The following PIWIL3 variants were observed in gnomAD, a reference collection of about 807,000 sequenced individuals.
PIWIL3 encodes piwi like RNA-mediated gene silencing 3, also known as piwi-like protein 3.
A neutral mutation model predicts 109.7 loss-of-function variants in PIWIL3; 101 were observed. That is an observed-to-expected ratio of 0.92 (90% CI 0.78 to 1.09). The LOEUF (loss-of-function observed/expected upper bound fraction) is 1.09. Among genes scored for constraint, PIWIL3 ranks in the 50% least tolerant of loss-of-function variants. PIWIL3 has a pLI of 0.00. For missense variants in PIWIL3, 1,031 were observed against 1,072.6 expected (o/e 0.96, Z 0.54); for synonymous variants, 373 against 376.4 (o/e 0.99, Z 0.10).
intron 16 of PIWIL3, among the ~76,000 whole-genome samples, chr22:24,726,536 C>T (rs1361846411): frequency 1.3e-5 from 2 of 152,214 alleles, no homozygotes; most frequent in Non-Finnish European, 2.9e-5. Context: ...CTGCCCGCCT[C>T]AGCCTCCCAA....
intron 13 of PIWIL3, 99 bp from the exon 14 acceptor site, chr22:24,734,255 C>T: frequency 6.8e-7 from 1 of 1,464,626 alleles, no homozygotes; most frequent in Non-Finnish European, 9.1e-7. Flanking sequence ...TGATAAAATA[C>T]CAAGATATGC....
chr22:24,770,671 A>AC (rs1926081592), intron 1 of PIWIL3, among the ~76,000 whole-genome samples: 1 of 131,328 alleles, frequency 7.6e-6, no homozygotes, highest in Non-Finnish European at 1.7e-5. Context: ...AAAAAAAAAA[A>AC]AAAAAAAACA....
chr22:24,725,590 CA>C, intron 16 of PIWIL3, 75 bp from the exon 17 acceptor site: 2 of 1,395,424 alleles, frequency 1.4e-6, no homozygotes, highest in Non-Finnish European at 1.0e-6. Flanking sequence ...AATCTATGGG[CA>C]AAAAATATTA....
chr22:24,728,076 T>C (rs1399714984), intron 15 of PIWIL3, 23 bp from the exon 16 acceptor site: 1 of 1,611,410 alleles, frequency 6.2e-7, no homozygotes, highest in South Asian at 1.1e-5. Context: ...TTTGAAAAGG[T>C]AATGGAGTTA....
At chr22:24,745,383 G>C (rs1924292112) in intron 12 of PIWIL3, among the ~76,000 whole-genome samples, 1 of 152,084 alleles carries the variant, frequency 6.6e-6, no homozygotes. Context: ...GATCACTTGA[G>C]GTCAGGAGTT....
Position 24,735,961 on chromosome 22 carries a change from G to A in PIWIL3, c.1450-69C>T, listed in dbSNP as rs185484697. 1.5e-5 allele frequency: 19 copies of A among 1,275,590 alleles called. No homozygotes were observed. The African/African-American group carries it at 1.5e-4, about 10-fold the overall frequency. The allele number at this position is 1,275,590 out of a possible 1,614,324, so 79.0% of individuals were successfully genotyped here. A position where few individuals can be genotyped will look rare whatever the true frequency, so the allele number is the denominator to read the frequency against. The stretch of plus-strand genomic sequence containing the variant: ...GATCAACTTATCTGAGATCCTGTAC[G>A]CTGTAAATCCGTGCTATCTCCTATA... On this transcript the variant is annotated intron_variant, in intron 12 of 20. Transcript: ENST00000616349.
At chr22:24,763,355 C>T (rs955246650) in intron 1 of PIWIL3, among the ~76,000 whole-genome samples, 2 of 152,018 alleles carry the variant, frequency 1.3e-5, no homozygotes, top group Non-Finnish European at 2.9e-5. Flanking sequence ...GGTTGGAGTG[C>T]AGCGGGGAAA....
chr22:24,767,637 A>G (rs1925877540), intron 1 of PIWIL3, among the ~76,000 whole-genome samples: 1 of 152,130 alleles, frequency 6.6e-6, no homozygotes, highest in Non-Finnish European at 1.5e-5. Flanking sequence ...AAAAGGTGTA[A>G]CATGCATAAT....
chr22:24,765,314 G>A (rs1343916035), intron 1 of PIWIL3, among the ~76,000 whole-genome samples: 1 of 151,976 alleles, frequency 6.6e-6, no homozygotes, highest in Non-Finnish European at 1.5e-5. Context: ...CCCCATTTCA[G>A]GAATTTAAAA....
At chr22:24,749,303 T>C in intron 11 of PIWIL3, 101 bp downstream of exon 11, 1 of 1,516,484 alleles carries the variant, frequency 6.6e-7, no homozygotes. Flanking sequence ...CCATTGTCAC[T>C]TGCTTGTAGA....
chr22:24,758,081 G>A lies in PIWIL3; in HGVS notation c.224-42C>T, dbSNP rs1176656391. The A allele has an allele frequency of 5.1e-6, 8 of 1,577,994 alleles. No homozygotes were observed. In the South Asian group the frequency reaches 9.3e-5, roughly 18 times the overall value. On this transcript the variant is annotated intron_variant, in intron 3 of 20. Transcript: ENST00000616349. ...GCCAGAAGTTTAAACAATAAAAAGG[G>A]AAGAATAGAAAAGACAGCATTAACA... is the stretch of plus-strand genomic sequence containing the variant.
chr22:24,763,228 T>TCTGCCTC (rs1168403489), intron 1 of PIWIL3, among the ~76,000 whole-genome samples: 1 of 151,414 alleles, frequency 6.6e-6, no homozygotes, highest in Non-Finnish European at 1.5e-5. Flanking sequence ...CACTGCAACC[T>TCTGCCTC]CTGCCTCCCG....
At position 24,725,498 on chromosome 22, in the gene PIWIL3, A is replaced by C; in HGVS notation, c.2027T>G (p.Val676Gly). 1 of 1,614,128 alleles carries C rather than the reference A, an allele frequency of 6.2e-7. No individual in the cohort carries two copies. Among genetic ancestry groups the C allele is most frequent in the Non-Finnish European group, 8.5e-7 (1 of 1,180,046 alleles). The change falls in exon 17 of 21, where the codon GTC becomes GGC. Residue 676 changes from valine (V) to glycine (G), a missense_variant. Val to Gly is a moderately radical substitution (Grantham distance 109). Transcript: ENST00000616349. ...AELTKWYSQC[V>G]IQKTGEELVK... ...AAGCTCTTCTCCTGTTTTCTGGATG[A>C]CACATTGAGAGTACCACCTGTTCAC...
At chr22:24,736,103 G>A (rs963598380) in intron 12 of PIWIL3, among the ~76,000 whole-genome samples, 5 of 152,190 alleles carry the variant, frequency 3.3e-5, no homozygotes, top group Non-Finnish European at 7.3e-5. Context: ...AGAGGCCATT[G>A]CAGGGGAGAT....
rs144336699 is a variant in PIWIL3 at position 24,741,175 on chromosome 22, T to C, written c.1450-5283A>G. Among the ~76,000 whole-genome samples, 848 of 152,292 alleles carry C rather than the reference T, an allele frequency of 5.6e-3. 6 individuals are homozygous for C. The highest frequency in any genetic ancestry group is 1.0e-2 in the Non-Finnish European group (679 of 68,020). ...AACAAAAATCACATGGTTATCTCAA[T>C]AGATGCAGAAAAAGCATTTGATAAA... On this transcript the variant is annotated intron_variant, in intron 12 of 20. Coordinates refer to ENST00000616349, the MANE Select transcript of PIWIL3 (RefSeq NM_001255975.1).
chr22:24,771,238 G>A (rs937102514), intron 1 of PIWIL3, among the ~76,000 whole-genome samples: 10 of 151,894 alleles, frequency 6.6e-5, no homozygotes, highest in African/African-American at 2.2e-4. Flanking sequence ...TGAGGCGAGC[G>A]AATCATGAGG....
chr22:24,761,998 A>G (rs944621139), intron 2 of PIWIL3: 1 of 995,892 alleles, frequency 1.0e-6, no homozygotes, highest in African/African-American at 1.7e-5. Context: ...GCAGTAAGAG[A>G]AGACAAAACA....
In PIWIL3 at chr22:24,735,723, A is replaced by G. The variant is rs746225994; in HGVS notation, c.1619T>C (p.Met540Thr). 6.3e-7 allele frequency: 1 copy of G among 1,595,390 alleles called. No homozygotes were observed. The highest frequency in any genetic ancestry group is 8.5e-7 in the Non-Finnish European group (1 of 1,175,178). Residue 540 changes from methionine to threonine, a missense_variant, in exon 13 of 21, where the codon ATG becomes ACG. Coordinates refer to ENST00000616349, the MANE Select transcript of PIWIL3 (RefSeq NM_001255975.1). ...QSVTAPMGIT[M>T]KPAEMIEVDG... Reference sequence around the variant, plus strand: ...CTCTACTTACATTTCTGCTGGTTTCATAGTTATGCCCATGGGGGCTGTGAC... The same window carrying G: ...CTCTACTTACATTTCTGCTGGTTTCGTAGTTATGCCCATGGGGGCTGTGAC...
intron 1 of PIWIL3, among the ~76,000 whole-genome samples, chr22:24,773,884 T>C (rs1474583476): frequency 6.6e-6 from 1 of 151,856 alleles, no homozygotes; most frequent in African/African-American, 2.4e-5. Flanking sequence ...CCAGTTAATT[T>C]TGGTATTTTT....
Sources: allele counts gnomAD v4.1 joint callset (sites outside exome capture counted in the v4.1 genomes callset), GRCh38; gene constraint gnomAD v4.1.1; transcripts MANE v1.5; gene names NCBI Gene and HGNC (gene_info 2026-07-23, HGNC 2026-07-21).